The following PRELID2 variants were observed in gnomAD, a reference collection of about 807,000 sequenced individuals.
PRELID2 encodes the protein PRELI domain containing 2.
In PRELID2, 25 loss-of-function variants were observed where a neutral mutation model predicts 28.4. That is an observed-to-expected ratio of 0.88 (90% confidence interval 0.64 to 1.23). PRELID2 has a LOEUF of 1.23. Among genes scored for constraint, PRELID2 ranks in the 50% most tolerant of loss-of-function variants. The probability of loss-of-function intolerance (pLI) is 0.00; values close to 1 mark genes in which losing one functional copy is unlikely to be tolerated. For synonymous variants in PRELID2, 76 were observed against 71.6 expected (o/e 1.06, Z -0.31); for missense variants, 201 against 214.4 (o/e 0.94, Z 0.39).
intron 1 of PRELID2, among the ~76,000 whole-genome samples, chr5:145,705,367 GT>G (rs796814237): frequency 2.0e-5 from 3 of 147,826 alleles, no homozygotes; most frequent in East Asian, 2.0e-4. Context: ...ATTTTTGTGG[GT>G]TTTTTTTGTA....
At chr5:145,372,475 G>A in the PRELID2 span, among the ~76,000 whole-genome samples, 2 of 152,018 alleles carry the variant, frequency 1.3e-5, no homozygotes, top group African/African-American at 2.4e-5. Context: ...TTTTGTGTGG[G>A]AGTCTAAGTC....
At chr5:145,696,742 G>A (rs1029067577) in intron 1 of PRELID2, among the ~76,000 whole-genome samples, 3 of 151,880 alleles carry the variant, frequency 2.0e-5, no homozygotes, top group Non-Finnish European at 4.4e-5. Context: ...GGGATTACAG[G>A]TGTGAACCAC....
the PRELID2 span, among the ~76,000 whole-genome samples, chr5:145,464,239 G>A: frequency 6.6e-6 from 1 of 151,984 alleles, no homozygotes; most frequent in Admixed American, 6.6e-5. Context: ...AGCTAATGCA[G>A]CAATCGAGCA....
At chr5:145,435,168 A>G in the PRELID2 span, among the ~76,000 whole-genome samples, 1 of 152,196 alleles carries the variant, frequency 6.6e-6, no homozygotes, top group Non-Finnish European at 1.5e-5. Flanking sequence ...GCAGTATACA[A>G]ATAAACTTAT....
the PRELID2 span, among the ~76,000 whole-genome samples, chr5:145,409,519 G>C: frequency 4.6e-5 from 7 of 152,060 alleles, no homozygotes; most frequent in Admixed American, 3.9e-4. Flanking sequence ...AAGGCAAAGG[G>C]GTGGAAAAAG....
the PRELID2 span, among the ~76,000 whole-genome samples, chr5:145,399,556 A>G: frequency 1.3e-5 from 2 of 152,130 alleles, no homozygotes; most frequent in East Asian, 3.9e-4. Flanking sequence ...GCAAAATGGT[A>G]CAATGGACCA....
intron 1 of PRELID2, among the ~76,000 whole-genome samples, chr5:145,677,074 A>T (rs1322188418): frequency 6.6e-6 from 1 of 151,884 alleles, no homozygotes; most frequent in Non-Finnish European, 1.5e-5. Context: ...ATTTGAAAAA[A>T]ATTAAGAAAT....
At chr5:145,236,521 G>C in the PRELID2 span, among the ~76,000 whole-genome samples, 59 of 152,208 alleles carry the variant, frequency 3.9e-4, no homozygotes, top group Admixed American at 2.7e-3. Flanking sequence ...CATGCCAACT[G>C]TAACTTTAGG....
At chr5:145,443,954 T>A in the PRELID2 span, among the ~76,000 whole-genome samples, 1 of 152,130 alleles carries the variant, frequency 6.6e-6, no homozygotes, top group Non-Finnish European at 1.5e-5. Context: ...GAAACTGTAT[T>A]CAGGTAGCAC....
chr5:145,686,925 T>C (rs1755049034), intron 1 of PRELID2, among the ~76,000 whole-genome samples: 1 of 152,226 alleles, frequency 6.6e-6, no homozygotes, highest in Non-Finnish European at 1.5e-5. Context: ...ACTGAAATGA[T>C]CTTATGGCAT....
At chr5:145,481,622 T>A (rs1317262324) in intron 1 of PRELID2, among the ~76,000 whole-genome samples, 6 of 2,242 alleles carry the variant, frequency 2.7e-3, no homozygotes, top group South Asian at 0.015. Flanking sequence ...AGCAAGGAAA[T>A]CAAAAAAAAA....
chr5:145,442,549 G>A, the PRELID2 span, among the ~76,000 whole-genome samples: 153 of 152,106 alleles, frequency 1.0e-3, no homozygotes, highest in Non-Finnish European at 1.3e-3. Flanking sequence ...TTTTGGTCTC[G>A]CAGTGCCAAC....
intron 5 of PRELID2, among the ~76,000 whole-genome samples, chr5:145,773,719 T>C (rs2149785098): frequency 6.6e-6 from 1 of 152,400 alleles, no homozygotes; most frequent in Non-Finnish European, 1.5e-5. Context: ...ACAAGGTTCC[T>C]ATTATTTCCC....
At chr5:145,352,721 CTTT>C in the PRELID2 span, among the ~76,000 whole-genome samples, 1 of 152,160 alleles carries the variant, frequency 6.6e-6, no homozygotes, top group Non-Finnish European at 1.5e-5. Flanking sequence ...ATTTTCCAAA[CTTT>C]TATGTTCTGC....
chr5:145,612,703 A>G (rs1753634482), intron 1 of PRELID2, among the ~76,000 whole-genome samples: 1 of 152,176 alleles, frequency 6.6e-6, no homozygotes, highest in East Asian at 1.9e-4. Flanking sequence ...CAGTGAAAAC[A>G]TACGATGTTT....
chr5:145,571,523 A>G (rs970139244), intron 1 of PRELID2, among the ~76,000 whole-genome samples: 2 of 152,174 alleles, frequency 1.3e-5, no homozygotes, highest in African/African-American at 4.8e-5. Flanking sequence ...TTACCCTAAT[A>G]TATATTTCTT....
chr5:145,362,792 C>T, the PRELID2 span, among the ~76,000 whole-genome samples: 2 of 152,044 alleles, frequency 1.3e-5, no homozygotes, highest in Admixed American at 1.3e-4. Context: ...TAGAAGTGCT[C>T]ATATTCACAT....
chr5:145,522,640 A>G (rs1295910678), intron 1 of PRELID2, among the ~76,000 whole-genome samples: 1 of 152,244 alleles, frequency 6.6e-6, no homozygotes, highest in Non-Finnish European at 1.5e-5. Context: ...ACTAGACTTC[A>G]CAAAGACTTT....
chr5:145,660,575 A>G (rs2149676819), intron 1 of PRELID2, among the ~76,000 whole-genome samples: 1 of 152,336 alleles, frequency 6.6e-6, no homozygotes, highest in South Asian at 2.1e-4. Flanking sequence ...CTAAGCCACC[A>G]AAAGGACTCT....
Sources: gnomAD v4.1 joint callset for allele counts (sites outside exome capture counted in the v4.1 genomes callset) on GRCh38, gnomAD v4.1.1 for gene constraint, MANE v1.5 for transcripts, NCBI Gene and HGNC (gene_info 2026-07-23, HGNC 2026-07-21) for gene names.